The following ARHGEF37 variants were observed in gnomAD, a reference collection of about 807,000 sequenced individuals.
The protein encoded by ARHGEF37 is Rho guanine nucleotide exchange factor 37.
A neutral mutation model predicts 71.1 loss-of-function variants in ARHGEF37; 55 were observed. The ratio of observed to expected loss-of-function variants is 0.77; its 90% CI spans 0.62 to 0.97. The LOEUF (loss-of-function observed/expected upper bound fraction) is 0.97. ARHGEF37 is among the 50% of genes least tolerant of loss of function. ARHGEF37 has a pLI of 0.00. For synonymous variants in ARHGEF37, 327 were observed against 350.6 expected (o/e 0.93, Z 0.75); for missense variants, 765 against 836.8 (o/e 0.91, Z 1.06).
At chr5:149,581,071 G>A (rs2113260692), upstream of ARHGEF37, among the ~76,000 whole-genome samples, 1 of 152,334 alleles carries the variant, frequency 6.6e-6, no homozygotes, top group South Asian at 2.1e-4. Flanking sequence ...GCTCCCAGGA[G>A]AGCTGGGGCA....
Position 149,604,177 on chromosome 5 carries a change from G to A in ARHGEF37, c.310+2946G>A, listed in dbSNP as rs113160397. Among the ~76,000 whole-genome samples, 46 of 152,290 alleles carry A rather than the reference G, an allele frequency of 3.0e-4. 1 individual carries two copies. Among genetic ancestry groups the A allele is most frequent in the African/African-American group, 1.0e-3 (43 of 41,564 alleles). ...TTTCTCAGTCTGCCTTTGTGCTGGA[G>A]CCACAGAGCCAAAATGTTACTTCGT... On this transcript the variant is annotated intron_variant, in intron 3 of 12. Transcript: ENST00000333677.
chr5:149,602,794 C>T (rs959963843), intron 3 of ARHGEF37, among the ~76,000 whole-genome samples: 26 of 152,084 alleles, frequency 1.7e-4, no homozygotes, highest in Admixed American at 1.4e-3. Context: ...GTCAGATTCA[C>T]TACAGTGGCA....
At chr5:149,572,050 T>A (rs1219787667) in intron 1 of ARHGEF37, among the ~76,000 whole-genome samples, 3 of 152,170 alleles carry the variant, frequency 2.0e-5, no homozygotes, top group Non-Finnish European at 4.4e-5. Context: ...GACTTTCTAT[T>A]ATATAAAGCT....
intron 3 of ARHGEF37, among the ~76,000 whole-genome samples, chr5:149,607,755 CTTT>C (rs67079479): frequency 0.02 from 1,687 of 82,958 alleles, 10 homozygotes; most frequent in Non-Finnish European, 0.03. Flanking sequence ...AAAGAAACTT[CTTT>C]TTTTTTTTTT....
In ARHGEF37 at chr5:149,621,727, C is replaced by T. The variant is rs1490234942; in HGVS notation, c.1006-6C>T. 1.9e-6 allele frequency: 3 copies of T among 1,607,338 alleles called. No homozygotes were observed. Among genetic ancestry groups the T allele is most frequent in the African/African-American group, 2.7e-5 (2 of 74,772 alleles). On this transcript the variant is annotated splice_region_variant and splice_polypyrimidine_tract_variant and intron_variant, in intron 8 of 12. Transcript: ENST00000333677. The stretch of plus-strand genomic sequence containing the variant: ...TCCCGACTCCCACGCTCATGTCTCC[C>T]CACAGAAGCAACGGCTAGAAGGCCT...
intron 2 of ARHGEF37, among the ~76,000 whole-genome samples, chr5:149,598,310 CTTCTTCTTCTTCTTCTT>C (rs1763621124): frequency 1.3e-5 from 2 of 150,042 alleles, no homozygotes; most frequent in Middle Eastern, 3.2e-3. Context: ...TCTTCTTCTT[CTTCTTCTTCTTCTTCTT>C]TCTTCCTCTT....
At chr5:149,631,422 C>T (rs1752882508) in intron 12 of ARHGEF37, among the ~76,000 whole-genome samples, 2 of 152,184 alleles carry the variant, frequency 1.3e-5, no homozygotes, top group South Asian at 4.1e-4. Flanking sequence ...CTGCCCTCCT[C>T]TACCTCCCAA....
intron 3 of ARHGEF37, among the ~76,000 whole-genome samples, chr5:149,602,778 G>A (rs1040418739): frequency 7.2e-5 from 11 of 152,082 alleles, no homozygotes; most frequent in African/African-American, 2.7e-4. Flanking sequence ...AGGTGAATGG[G>A]TGGGTGTCAG....
chr5:149,564,558 C>T (rs1762876017), intron 1 of ARHGEF37, among the ~76,000 whole-genome samples: 1 of 152,172 alleles, frequency 6.6e-6, no homozygotes. Flanking sequence ...GGCGCGGTGG[C>T]TCCCGCCTGT....
intron 11 of ARHGEF37, 63 bp downstream of exon 11, chr5:149,627,334 C>A: frequency 6.5e-7 from 1 of 1,548,202 alleles, no homozygotes; most frequent in Middle Eastern, 2.3e-4. Flanking sequence ...GAAGCCGGTG[C>A]AGAGACCCGG....
chr5:149,625,506 A>T (rs1342498347), intron 10 of ARHGEF37, among the ~76,000 whole-genome samples: 2 of 152,162 alleles, frequency 1.3e-5, no homozygotes, highest in Non-Finnish European at 2.9e-5. Context: ...AGATAAAGGT[A>T]GCCCACACCT....
rs147126567 is a variant in ARHGEF37 at position 149,622,850 on chromosome 5, A to G, written c.1335+788A>G. ...CCAGATCTTGCTCTCAGATGTCAACATGAGAGCTGAATTGCTGTTGGGTCC... is the reference window on the plus strand; with the variant it reads ...CCAGATCTTGCTCTCAGATGTCAACGTGAGAGCTGAATTGCTGTTGGGTCC... On this transcript the variant is annotated intron_variant, in intron 9 of 12. Coordinates refer to ENST00000333677, the MANE Select transcript of ARHGEF37 (RefSeq NM_001001669.3). Among the ~76,000 whole-genome samples, 485 of 152,356 alleles carry G rather than the reference A, an allele frequency of 3.2e-3. 2 individuals are homozygous for G. Among genetic ancestry groups the G allele is most frequent in the African/African-American group, 0.011 (453 of 41,580 alleles).
At chr5:149,571,839 C>T (rs905447528) in intron 1 of ARHGEF37, among the ~76,000 whole-genome samples, 2 of 138,778 alleles carry the variant, frequency 1.4e-5, no homozygotes, top group East Asian at 2.1e-4. Context: ...CCCAAGAGAT[C>T]GAGGCTGCAG....
At chr5:149,564,758 A>C (rs1762879695) in intron 1 of ARHGEF37, among the ~76,000 whole-genome samples, 1 of 151,584 alleles carries the variant, frequency 6.6e-6, no homozygotes, top group African/African-American at 2.4e-5. Context: ...CAGGAGGCGG[A>C]GGTTGCCGTG....
chr5:149,619,170 G>T, intron 7 of ARHGEF37, 128 bp downstream of exon 7: 1 of 738,808 alleles, frequency 1.4e-6, no homozygotes, highest in Non-Finnish European at 2.4e-6. Flanking sequence ...AGGTCATCCT[G>T]TCTCATCTCT....
chr5:149,628,994 GC>G, intron 12 of ARHGEF37, 28 bp downstream of exon 12: 2 of 1,599,720 alleles, frequency 1.3e-6, no homozygotes, highest in South Asian at 1.1e-5. Context: ...CTGGGGGCTT[GC>G]CTCCCATCGG....
At chr5:149,554,233 G>C (rs568584054) in intron 1 of ARHGEF37, among the ~76,000 whole-genome samples, 1 of 152,344 alleles carries the variant, frequency 6.6e-6, no homozygotes, top group East Asian at 1.9e-4. Flanking sequence ...GGGAGGCCAA[G>C]GCAGGAGGAT....
At chr5:149,573,042 G>A (rs940293445) in intron 1 of ARHGEF37, among the ~76,000 whole-genome samples, 4 of 152,268 alleles carry the variant, frequency 2.6e-5, no homozygotes, top group Admixed American at 6.5e-5. Context: ...AGGTCAAAGC[G>A]GAAGTAGACA....
chr5:149,565,758 T>TGGTCA (rs1042543227), intron 1 of ARHGEF37, among the ~76,000 whole-genome samples: 2 of 151,070 alleles, frequency 1.3e-5, no homozygotes, highest in African/African-American at 4.9e-5. Context: ...GGGCCTTTCA[T>TGGTCA]GGTCATCATG....
Sources: allele counts gnomAD v4.1 joint callset (sites outside exome capture counted in the v4.1 genomes callset), GRCh38; gene constraint gnomAD v4.1.1; transcripts MANE v1.5; gene names NCBI Gene and HGNC (gene_info 2026-07-23, HGNC 2026-07-21).